Variants in ZW10 observed in about 807,000 individuals in gnomAD.
ZW10 encodes the protein centromere/kinetochore protein zw10 homolog.
In ZW10, 53 loss-of-function variants were observed where a neutral mutation model predicts 87.8. The ratio of observed to expected loss-of-function variants is 0.60; its 90% CI spans 0.48 to 0.76. ZW10 has a LOEUF of 0.76. Ranked by LOEUF, ZW10 falls within the 30% of genes least tolerant of loss-of-function variation. The pLI is 0.00. For missense variants in ZW10, 837 were observed against 923.0 expected (o/e 0.91, Z 1.21); for synonymous variants, 312 against 329.2 (o/e 0.95, Z 0.57).
rs200677897 is a variant in ZW10 at position 113,736,645 on chromosome 11, C to G, written c.2194G>C (p.Ala732Pro). The G allele has an allele frequency of 5.0e-4, 813 of 1,614,082 alleles. 1 individual carries two copies. The highest frequency in any genetic ancestry group is 6.1e-4 in the Non-Finnish European group (724 of 1,180,030). The change falls in exon 15 of 16, where the codon GCC (alanine) becomes CCC (proline). Residue 732 changes from alanine (A) to proline (P), a missense_variant. Ala to Pro is a conservative substitution (Grantham distance 27). Coordinates refer to ENST00000200135, the MANE Select transcript of ZW10 (RefSeq NM_004724.4). ...CGATCCCCAATTTCTTGCAAGCTGG[C>G]TTGTAGCATCATCATCAATTCCTTG... ...PFKELMMMLQ[A>P]SLQEIGDRWA... is the part of the protein sequence containing the mutation.
chr11:113,744,180 G>T, intron 9 of ZW10, 140 bp from the exon 10 acceptor site: 1 of 652,380 alleles, frequency 1.5e-6, no homozygotes, highest in Non-Finnish European at 2.6e-6. Flanking sequence ...GAGGTCAGGA[G>T]ATCGAGACCA....
At chr11:113,735,386 T>G (rs1413331041) in intron 15 of ZW10, among the ~76,000 whole-genome samples, 2 of 152,110 alleles carry the variant, frequency 1.3e-5, no homozygotes, top group Non-Finnish European at 2.9e-5. Context: ...TTGTAAATAA[T>G]AAATGAATAA....
At chr11:113,769,601 G>T in intron 1 of ZW10, 1 of 218,514 alleles carries the variant, frequency 4.6e-6, no homozygotes, top group South Asian at 6.6e-5. Flanking sequence ...ATAAATTATG[G>T]GTCCTTCTCT....
At chr11:113,761,331 G>A (rs756884227) in intron 2 of ZW10, among the ~76,000 whole-genome samples, 8 of 152,180 alleles carry the variant, frequency 5.3e-5, no homozygotes, top group Admixed American at 1.3e-4. Context: ...AGGCTGAAGC[G>A]CAGTGGTGCA....
chr11:113,750,722 G>T (rs1014196879), intron 7 of ZW10, among the ~76,000 whole-genome samples: 3 of 152,146 alleles, frequency 2.0e-5, no homozygotes, highest in Non-Finnish European at 4.4e-5. Context: ...CCTGAAATTA[G>T]AATTAAATGT....
At chr11:113,756,078 G>A (rs1386790587) in intron 7 of ZW10, among the ~76,000 whole-genome samples, 1 of 152,106 alleles carries the variant, frequency 6.6e-6, no homozygotes, top group Non-Finnish European at 1.5e-5. Context: ...ATATCTCTGA[G>A]GTATGCTAGT....
At chr11:113,740,842 C>T (rs1012067205) in intron 11 of ZW10, among the ~76,000 whole-genome samples, 4 of 152,142 alleles carry the variant, frequency 2.6e-5, no homozygotes, top group Non-Finnish European at 4.4e-5. Flanking sequence ...ACTAAAGTTC[C>T]GAGGTTATAC....
intron 1 of ZW10, chr11:113,770,379 G>A (rs1953950985): frequency 6.7e-6 from 1 of 148,536 alleles, no homozygotes; most frequent in African/African-American, 2.5e-5. Flanking sequence ...GTGAGCCATA[G>A]TGCCCAGCCT....
intron 7 of ZW10, among the ~76,000 whole-genome samples, chr11:113,755,139 T>C (rs1469611331): frequency 6.6e-6 from 1 of 152,238 alleles, no homozygotes; most frequent in African/African-American, 2.4e-5. Flanking sequence ...AGGAGTGATT[T>C]TGACTTTCAA....
intron 9 of ZW10, among the ~76,000 whole-genome samples, chr11:113,745,362 A>G (rs1229772087): frequency 1.3e-5 from 2 of 152,132 alleles, no homozygotes; most frequent in Admixed American, 1.3e-4. Flanking sequence ...CACTGCAAGA[A>G]TAACAACTTT....
intron 14 of ZW10, 114 bp downstream of exon 14, chr11:113,737,458 G>C: frequency 2.0e-6 from 2 of 1,015,354 alleles, no homozygotes; most frequent in Non-Finnish European, 2.7e-6. Context: ...AAAAAAAACA[G>C]CATGAGTTAG....
At position 113,742,902 on chromosome 11, in the gene ZW10, A is replaced by G. The variant is rs1953637327; in HGVS notation, c.1511+900T>C. Among the ~76,000 whole-genome samples the G allele has an allele frequency of 1.3e-5, 2 of 152,230 alleles. 1 individual carries two copies. Among genetic ancestry groups the G allele is most frequent in the South Asian group, 4.1e-4 (2 of 4,834 alleles). ...ATCTCACGATAAAAATTGAACTTGG[A>G]AAGTCCATCTAAAGATGCAATTTGA... On this transcript the variant is annotated intron_variant, in intron 10 of 15. Transcript: ENST00000200135.
At chr11:113,761,527 CA>C (rs1018062047) in intron 2 of ZW10, among the ~76,000 whole-genome samples, 24 of 152,232 alleles carry the variant, frequency 1.6e-4, no homozygotes, top group African/African-American at 5.1e-4. Flanking sequence ...GCGATCTGCC[CA>C]CCTTGGCCTC....
chr11:113,738,388 T>C lies in ZW10; in HGVS notation c.1760A>G (p.Glu587Gly). Residue 587 changes from glutamate (E) to glycine (G), a missense_variant, in exon 13 of 16, where the codon GAA becomes GGA. By Grantham distance (98) the Glu-to-Gly change is moderately conservative. Transcript: ENST00000200135. Reference sequence around the variant, plus strand: ...TGCCCGCATTTGGGCCAAAAAGCATTCTGTCCCTATGATGGAAAAACAGAA... The same window carrying C: ...TGCCCGCATTTGGGCCAAAAAGCATCCTGTCCCTATGATGGAAAAACAGAA... ...LVPGFRRLGT[E>G]CFLAQMRAQK... 1.9e-6 allele frequency: 3 copies of C among 1,612,190 alleles called. No individual in the cohort carries two copies. Among genetic ancestry groups the C allele is most frequent in the Non-Finnish European group, 2.5e-6 (3 of 1,179,442 alleles).
At chr11:113,746,716 T>C (rs1402083571) in intron 9 of ZW10, among the ~76,000 whole-genome samples, 1 of 152,186 alleles carries the variant, frequency 6.6e-6, no homozygotes, top group African/African-American at 2.4e-5. Context: ...GCGGTAAGAA[T>C]ATTCCATGCA....
At chr11:113,759,195 C>CA (rs961244715) in intron 5 of ZW10, among the ~76,000 whole-genome samples, 21 of 149,806 alleles carry the variant, frequency 1.4e-4, no homozygotes, top group African/African-American at 5.1e-4. Flanking sequence ...GACCCTGTTT[C>CA]AAAAAAAAAG....
chr11:113,744,319 G>A (rs750911583), intron 9 of ZW10, among the ~76,000 whole-genome samples: 10 of 152,014 alleles, frequency 6.6e-5, no homozygotes, highest in Non-Finnish European at 1.3e-4. Flanking sequence ...CCCGGGAGGC[G>A]GAGCTTGCAG....
chr11:113,752,303 A>T (rs895437572), intron 7 of ZW10, among the ~76,000 whole-genome samples: 1 of 152,172 alleles, frequency 6.6e-6, no homozygotes, highest in African/African-American at 2.4e-5. Context: ...CCAAATATAT[A>T]TACACACACA....
At chr11:113,768,625 C>G (rs1231127743) in intron 2 of ZW10, among the ~76,000 whole-genome samples, 1 of 152,112 alleles carries the variant, frequency 6.6e-6, no homozygotes, top group Non-Finnish European at 1.5e-5. Context: ...GTCAAATTTT[C>G]TTCCATAAAA....
Sources: gnomAD v4.1 joint callset for allele counts (sites outside exome capture counted in the v4.1 genomes callset) on GRCh38, gnomAD v4.1.1 for gene constraint, MANE v1.5 for transcripts, NCBI Gene and HGNC (gene_info 2026-07-23, HGNC 2026-07-21) for gene names.